Variants in DSCAM observed in about 807,000 individuals in gnomAD.
DSCAM encodes the protein DS cell adhesion molecule, also known as cell adhesion molecule DSCAM.
DSCAM carries 47 observed loss-of-function variants against 217.7 expected under a neutral mutation model. That is an observed-to-expected ratio of 0.22 (90% CI 0.17 to 0.28). DSCAM has a LOEUF of 0.28. DSCAM is among the 10% of genes least tolerant of loss of function. The pLI is 1.00. For missense variants in DSCAM, 2,080 were observed against 2,618.3 expected, an observed-to-expected ratio of 0.79 and a Z score of 4.49; for synonymous variants, 1,056 against 1,015.3, an observed-to-expected ratio of 1.04 and a Z score of -0.76.
intron 1 of DSCAM, among the ~76,000 whole-genome samples, chr21:40,807,431 A>G (rs916258890): frequency 6.7e-6 from 1 of 149,828 alleles, no homozygotes; most frequent in African/African-American, 2.4e-5. Context: ...TTGCAGGTTC[A>G]TGGTCCTCCT....
chr21:40,502,698 T>G (rs2076179454), intron 3 of DSCAM, among the ~76,000 whole-genome samples: 1 of 152,160 alleles, frequency 6.6e-6, no homozygotes, highest in Admixed American at 6.5e-5. Context: ...GACATTGGAC[T>G]CACCCAGATA....
At chr21:40,248,290 C>A (rs1347406045) in intron 11 of DSCAM, among the ~76,000 whole-genome samples, 2 of 152,198 alleles carry the variant, frequency 1.3e-5, no homozygotes, top group Non-Finnish European at 2.9e-5. Flanking sequence ...ATGGCATTTT[C>A]TTTTCTATCA....
chr21:40,303,291 T>C (rs1477946719), intron 9 of DSCAM, among the ~76,000 whole-genome samples: 2 of 152,096 alleles, frequency 1.3e-5, no homozygotes, highest in Non-Finnish European at 2.9e-5. Context: ...ACCTTGGGCC[T>C]CTTGCTGGGC....
rs568878500 is a variant in DSCAM at position 40,180,558 on chromosome 21, G to T, written c.2780-1464C>A. Among the ~76,000 whole-genome samples, 4 of 152,256 alleles carry T rather than the reference G, an allele frequency of 2.6e-5. No homozygotes were observed. The East Asian group carries it at 7.7e-4, about 29-fold the overall frequency. ...CAATGAAACGGCACACACCTATGAG[G>T]CTTGTCCCACAGAGAGAAAGCCAGA... On this transcript the variant is annotated intron_variant, in intron 14 of 32. Coordinates refer to ENST00000400454, the MANE Select transcript of DSCAM (RefSeq NM_001389.5).
chr21:40,643,033 G>A (rs2089902384), intron 3 of DSCAM, among the ~76,000 whole-genome samples: 3 of 152,210 alleles, frequency 2.0e-5, no homozygotes, highest in African/African-American at 7.2e-5. Flanking sequence ...GGCACCTGCT[G>A]CAGTCTCTGG....
At chr21:40,505,274 G>A in intron 3 of DSCAM, among the ~76,000 whole-genome samples, 1 of 152,180 alleles carries the variant, frequency 6.6e-6, no homozygotes, top group East Asian at 1.9e-4. Flanking sequence ...GTTTGAAAAT[G>A]ACAATTTTTT....
At chr21:40,844,576 A>C (rs574418090) in intron 1 of DSCAM, among the ~76,000 whole-genome samples, 1 of 152,332 alleles carries the variant, frequency 6.6e-6, no homozygotes, top group South Asian at 2.1e-4. Flanking sequence ...TAATACTTGC[A>C]GAACTCACTA....
At chr21:40,374,254 T>C (rs1294884206) in intron 3 of DSCAM, among the ~76,000 whole-genome samples, 1 of 152,236 alleles carries the variant, frequency 6.6e-6, no homozygotes, top group African/African-American at 2.4e-5. Context: ...TCCTAGTAAA[T>C]GCCATGTTTG....
intron 3 of DSCAM, among the ~76,000 whole-genome samples, chr21:40,688,475 T>C (rs1484062479): frequency 6.6e-6 from 1 of 152,236 alleles, no homozygotes; most frequent in Non-Finnish European, 1.5e-5. Flanking sequence ...ATATTTTTAC[T>C]GGGCTACATT....
chr21:40,036,990 T>C (rs1316121362), intron 32 of DSCAM, among the ~76,000 whole-genome samples: 1 of 150,650 alleles, frequency 6.6e-6, no homozygotes, highest in Non-Finnish European at 1.5e-5. Flanking sequence ...AAACTCTTAA[T>C]AAATTAGGTA....
At chr21:40,547,635 C>G (rs2076594225) in intron 3 of DSCAM, among the ~76,000 whole-genome samples, 1 of 152,066 alleles carries the variant, frequency 6.6e-6, no homozygotes, top group South Asian at 2.1e-4. Flanking sequence ...GTTTCCTGCA[C>G]AAGTACAAAG....
intron 20 of DSCAM, among the ~76,000 whole-genome samples, chr21:40,116,934 A>G (rs984224125): frequency 2.9e-5 from 4 of 138,844 alleles, no homozygotes; most frequent in African/African-American, 1.1e-4. Context: ...CCCGGGAGGC[A>G]GAGTTTGCAG....
intron 3 of DSCAM, among the ~76,000 whole-genome samples, chr21:40,373,073 C>T (rs905944048): frequency 2.6e-5 from 4 of 152,070 alleles, no homozygotes; most frequent in African/African-American, 4.8e-5. Flanking sequence ...GGAGCTGAGC[C>T]GCAAAAAACA....
chr21:40,057,364 G>C (rs1214490679), intron 28 of DSCAM, among the ~76,000 whole-genome samples: 2 of 151,942 alleles, frequency 1.3e-5, no homozygotes, highest in African/African-American at 4.9e-5. Flanking sequence ...TGGTTACTTG[G>C]GGGGCTGCAT....
intron 4 of DSCAM, among the ~76,000 whole-genome samples, chr21:40,364,555 C>T (rs1172858540): frequency 1.3e-5 from 2 of 151,032 alleles, no homozygotes; most frequent in Non-Finnish European, 2.9e-5. Context: ...GGAGGGATAG[C>T]ACTGGGAGAT....
chr21:40,771,389 A>G (rs1601239950), intron 1 of DSCAM, among the ~76,000 whole-genome samples: 1 of 152,222 alleles, frequency 6.6e-6, no homozygotes, highest in East Asian at 1.9e-4. Flanking sequence ...AGTGAAGGTC[A>G]TCTCAAAGCA....
At chr21:40,153,757 C>T (rs1449730832) in intron 16 of DSCAM, among the ~76,000 whole-genome samples, 1 of 152,108 alleles carries the variant, frequency 6.6e-6, no homozygotes, top group Non-Finnish European at 1.5e-5. Context: ...AAAAGCCCTC[C>T]AGGGGATACC....
intron 1 of DSCAM, among the ~76,000 whole-genome samples, chr21:40,800,932 T>C (rs1376543100): frequency 2.0e-5 from 3 of 150,830 alleles, no homozygotes; most frequent in African/African-American, 7.3e-5. Flanking sequence ...GTCAGGCTGG[T>C]CTCAAACTCC....
rs759607427 is a variant in DSCAM, at chr21:40,296,177, G to C, written c.2063-3C>G. 1.2e-6 allele frequency: 2 copies of C among 1,613,630 alleles called. No homozygotes were observed. The highest frequency in any genetic ancestry group is 1.7e-6 in the Non-Finnish European group (2 of 1,179,866). On this transcript the variant is annotated splice_region_variant and splice_polypyrimidine_tract_variant and intron_variant, in intron 9 of 32. Coordinates refer to ENST00000400454, the MANE Select transcript of DSCAM (RefSeq NM_001389.5). ...CTGAACCACAAACTTGGGAGGAACT[G>C]AAAAGAGAGAAATGTCACCAGTAAT...
Sources: allele counts gnomAD v4.1 joint callset (sites outside exome capture counted in the v4.1 genomes callset), GRCh38; gene constraint gnomAD v4.1.1; transcripts MANE v1.5; gene names NCBI Gene and HGNC (gene_info 2026-07-23, HGNC 2026-07-21).